Variants in AGO1 observed in about 807,000 individuals in gnomAD.
AGO1 encodes argonaute RISC component 1, also known as protein argonaute-1.
In AGO1, 11 loss-of-function variants were observed where a neutral mutation model predicts 109.2. That is an observed-to-expected ratio of 0.10 (90% CI 0.06 to 0.17). The LOEUF is 0.17. Among genes scored for constraint, AGO1 ranks in the 10% least tolerant of loss-of-function variants. The probability of loss-of-function intolerance (pLI) is 1.00; values close to 1 mark genes in which losing one functional copy is unlikely to be tolerated. For synonymous variants in AGO1, 422 were observed against 418.6 expected (o/e 1.01, Z -0.10); for missense variants, 574 against 1,140.3 (o/e 0.50, Z 7.15).
intron 8 of AGO1, among the ~76,000 whole-genome samples, chr1:35,899,024 G>C (rs755698909): frequency 6.6e-6 from 1 of 152,126 alleles, no homozygotes; most frequent in Non-Finnish European, 1.5e-5. Context: ...ATTCCACACT[G>C]AAACTCTATA....
intron 2 of AGO1, among the ~76,000 whole-genome samples, chr1:35,891,088 G>T (rs993452730): frequency 6.6e-6 from 1 of 152,294 alleles, no homozygotes; most frequent in African/African-American, 2.4e-5. Flanking sequence ...TTAGAGGCTA[G>T]TGGAGAAAGT....
chr1:35,913,005 A>G (rs1490731214), intron 12 of AGO1, among the ~76,000 whole-genome samples: 1 of 151,562 alleles, frequency 6.6e-6, no homozygotes, highest in African/African-American at 2.4e-5. Context: ...CTCCGTCTCA[A>G]CAACTCACCC....
At chr1:35,897,174 G>A (rs185963391) in intron 8 of AGO1, among the ~76,000 whole-genome samples, 61 of 152,318 alleles carry the variant, frequency 4.0e-4, no homozygotes, top group Admixed American at 7.8e-4. Context: ...GTTTCAGATG[G>A]TGATAAGTGC....
rs1224190770 is a variant in AGO1 at position 35,893,983 on chromosome 1, A to G, written c.650-54A>G. The G allele has an allele frequency of 2.6e-6, 4 of 1,523,170 alleles. No individual in the cohort carries two copies. The highest frequency in any genetic ancestry group is 2.8e-5 in the African/African-American group (2 of 72,054). The allele number at this position is 1,523,170 out of a possible 1,614,324, so 94.4% of individuals were successfully genotyped here. On this transcript the variant is annotated intron_variant, in intron 5 of 18. Transcript: ENST00000373204. This position sits in a 1 kb window ranked among gnomAD's most constrained non-coding sequence, Gnocchi z 5.6. ...AGAGGGTATAAATTGCTGTGCCTCC[A>G]TGTATTGTGGAAGACAGAACCTGAG...
At chr1:35,880,486 T>G (rs1645026817), upstream of AGO1, among the ~76,000 whole-genome samples, 1 of 152,110 alleles carries the variant, frequency 6.6e-6, no homozygotes. Context: ...TACTTGCGCC[T>G]GAGAGGTGGA....
intron 1 of AGO1, among the ~76,000 whole-genome samples, chr1:35,875,154 T>G (rs1644982946): frequency 6.6e-6 from 1 of 152,034 alleles, no homozygotes; most frequent in Non-Finnish European, 1.5e-5. Flanking sequence ...AGCCTTCTGT[T>G]GGAAGAAGAT....
Position 35,930,006 on chromosome 1 carries a change from AT to A in AGO1, c.*10401del, listed in dbSNP as rs1028638611. On this transcript the variant is annotated 3_prime_UTR_variant, in exon 19 of 19. Transcript: ENST00000373204. ...TTTTCCTCTTTAAAAAATTATTTTG[AT>A]TAAAAAAAACCGTATTACTGAAGCA... 6.6e-6 allele frequency: 1 copy of A among 152,186 alleles called. No individual in the cohort carries two copies. The highest frequency in any genetic ancestry group is 1.9e-4 in the East Asian group (1 of 5,200). 9.4% of individuals were successfully genotyped at this position (152,186 alleles called of 1,614,324 possible).
At chr1:35,894,194 A>G in intron 6 of AGO1, 23 bp downstream of exon 6, 1 of 1,568,456 alleles carries the variant, frequency 6.4e-7, no homozygotes, top group Non-Finnish European at 8.7e-7. Context: ...CAGGAGGGGA[A>G]GGGAAACAGC....
intron 1 of AGO1, among the ~76,000 whole-genome samples, chr1:35,876,353 G>A (rs1272618743): frequency 4.0e-5 from 6 of 150,482 alleles, no homozygotes; most frequent in African/African-American, 1.2e-4. Context: ...TGCAAGCTCC[G>A]CCTACTGGGT....
At chr1:35,880,805 G>A (rs186712800), upstream of AGO1, among the ~76,000 whole-genome samples, 163 of 152,202 alleles carry the variant, frequency 1.1e-3, no homozygotes, top group African/African-American at 3.6e-3. Context: ...GACTACAGGC[G>A]TGTGCCATTA....
At chr1:35,916,677 A>G (rs1300846729) in intron 15 of AGO1, among the ~76,000 whole-genome samples, 1 of 152,220 alleles carries the variant, frequency 6.6e-6, no homozygotes, top group African/African-American at 2.4e-5. Context: ...CATTATGCCC[A>G]ATTTCTAAGT....
At chr1:35,896,426 C>T (rs1472334962) in intron 8 of AGO1, among the ~76,000 whole-genome samples, 3 of 151,510 alleles carry the variant, frequency 2.0e-5, no homozygotes, top group Non-Finnish European at 4.4e-5. Flanking sequence ...GTGGCACCAT[C>T]TCGGCTCACT....
upstream of AGO1, among the ~76,000 whole-genome samples, chr1:35,879,384 G>A (rs567222395): frequency 9.9e-5 from 15 of 152,150 alleles, no homozygotes; most frequent in East Asian, 2.7e-3. Flanking sequence ...GGAGGTGGAA[G>A]TTACTGTGAG....
Position 35,923,474 on chromosome 1 carries a change from G to A in AGO1, c.*3867G>A, listed in dbSNP as rs557084074. The A allele has an allele frequency of 6.5e-6, 1 of 152,704 alleles. No homozygotes were observed. Among genetic ancestry groups the A allele is most frequent in the South Asian group, 2.1e-4 (1 of 4,824 alleles). The allele number at this position is 152,704 out of a possible 1,614,324, so 9.5% of individuals were successfully genotyped here. ...AAAATCATCTCAAACTAGCCAAAAG[G>A]CAGTTTTGGAAACTACATTGGGGGA... On this transcript the variant is annotated 3_prime_UTR_variant, in exon 19 of 19. Coordinates refer to ENST00000373204, the MANE Select transcript of AGO1 (RefSeq NM_012199.5).
chr1:35,876,117 G>T (rs747110902), intron 1 of AGO1, among the ~76,000 whole-genome samples: 3 of 152,158 alleles, frequency 2.0e-5, no homozygotes, highest in Non-Finnish European at 2.9e-5. Flanking sequence ...ACTTTGAGGG[G>T]TTCAAGACAT....
chr1:35,880,532 C>A (rs1264286170), upstream of AGO1, among the ~76,000 whole-genome samples: 1 of 152,092 alleles, frequency 6.6e-6, no homozygotes, highest in Non-Finnish European at 1.5e-5. Flanking sequence ...TGCACTACAG[C>A]CTGGGTAACA....
At position 35,901,284 on chromosome 1, in the gene AGO1, A is replaced by G. The variant is rs573760371; in HGVS notation, c.1021-190A>G. Among the ~76,000 whole-genome samples, 130 of 152,260 alleles carry G rather than the reference A, an allele frequency of 8.5e-4. 1 individual carries two copies. The highest frequency in any genetic ancestry group is 3.1e-3 in the African/African-American group (128 of 41,552). On this transcript the variant is annotated intron_variant, in intron 8 of 18. Coordinates refer to ENST00000373204, the MANE Select transcript of AGO1 (RefSeq NM_012199.5). This position sits in a 1 kb window ranked among gnomAD's most constrained non-coding sequence, Gnocchi z 4.8. ...CCATGCCCGGCCTGAATCGCCTTTT[A>G]CAATGCACACGAATATTTTCTAATT... is the stretch of plus-strand genomic sequence containing the variant.
chr1:35,893,349 A>G lies in AGO1; in HGVS notation c.512+71A>G. ...GCTGTCAGGGGAGGAGGGGGAGCAC[A>G]TATTAAGGTCCCACAGAGTGCCATT... On this transcript the variant is annotated intron_variant, in intron 4 of 18. Transcript: ENST00000373204. This position sits in a 1 kb window ranked among gnomAD's most constrained non-coding sequence, Gnocchi z 5.6. The G allele has an allele frequency of 6.6e-7, 1 of 1,513,010 alleles. No individual in the cohort carries two copies. Among genetic ancestry groups the G allele is most frequent in the Non-Finnish European group, 8.9e-7 (1 of 1,118,330 alleles). 93.7% of individuals were successfully genotyped at this position (1,513,010 alleles called of 1,614,324 possible). A position where few individuals can be genotyped will look rare whatever the true frequency, so the allele number is the denominator to read the frequency against.
At chr1:35,898,090 T>C (rs1645350018) in intron 8 of AGO1, among the ~76,000 whole-genome samples, 1 of 152,226 alleles carries the variant, frequency 6.6e-6, no homozygotes, top group Admixed American at 6.5e-5. Context: ...ATATGTCATA[T>C]TTTGTTAATT....
Sources: allele counts gnomAD v4.1 joint callset (sites outside exome capture counted in the v4.1 genomes callset), GRCh38; gene constraint gnomAD v4.1.1; non-coding constraint Gnocchi (gnomAD v3.1); transcripts MANE v1.5; gene names NCBI Gene and HGNC (gene_info 2026-07-23, HGNC 2026-07-21).